ADGRL3: variants seen among roughly 807,000 people sequenced by gnomAD.
ADGRL3 encodes adhesion G protein-coupled receptor L3.
ADGRL3 carries 62 observed loss-of-function variants against 153.5 expected under a neutral mutation model. The ratio of observed to expected loss-of-function variants is 0.40; its 90% confidence interval spans 0.33 to 0.50. The LOEUF (loss-of-function observed/expected upper bound fraction) is 0.50. ADGRL3 is among the 20% of genes least tolerant of loss of function. The pLI, the probability that ADGRL3 is intolerant of heterozygous loss-of-function variation, is 0.47. For synonymous variants in ADGRL3, 710 were observed against 672.5 expected (o/e 1.06, Z -0.86); for missense variants, 1,641 against 1,859.4 (o/e 0.88, Z 2.16).
intron 2 of ADGRL3, among the ~76,000 whole-genome samples, chr4:61,414,177 C>A (rs1324302256): frequency 1.3e-5 from 2 of 152,150 alleles, no homozygotes; most frequent in African/African-American, 2.4e-5. Flanking sequence ...GGGCTGAAAG[C>A]ATTACATGCA....
chr4:61,455,962 C>A (rs1303930279), intron 2 of ADGRL3, among the ~76,000 whole-genome samples: 1 of 151,832 alleles, frequency 6.6e-6, no homozygotes, highest in Non-Finnish European at 1.5e-5. Flanking sequence ...ATTACAGGCA[C>A]CTGCCACTAT....
chr4:61,996,538 A>G (rs1581798488), intron 20 of ADGRL3, among the ~76,000 whole-genome samples, 181 bp downstream of exon 20: 3 of 152,214 alleles, frequency 2.0e-5, no homozygotes, highest in Admixed American at 2.0e-4. Flanking sequence ...AAAATGGTTA[A>G]TCAAAACAGG....
chr4:61,838,091 C>T (rs547523664), intron 9 of ADGRL3, among the ~76,000 whole-genome samples: 1 of 152,098 alleles, frequency 6.6e-6, no homozygotes, highest in Middle Eastern at 3.4e-3. Context: ...TCTCATGAAA[C>T]TCTCTTTACC....
intron 1 of ADGRL3, among the ~76,000 whole-genome samples, chr4:61,359,577 CCA>C (rs1449627887): frequency 1.3e-5 from 2 of 152,182 alleles, no homozygotes; most frequent in African/African-American, 4.8e-5. Flanking sequence ...TTGTCGTTTT[CCA>C]CATAGCTTCC....
chr4:61,300,278 C>G (rs1459349495), intron 1 of ADGRL3, among the ~76,000 whole-genome samples: 2 of 152,150 alleles, frequency 1.3e-5, no homozygotes, highest in African/African-American at 2.4e-5. Context: ...CCAGACAACT[C>G]TACATGATCT....
chr4:61,983,659 T>G lies in ADGRL3; in HGVS notation c.3236+56T>G, dbSNP rs1311267858. The G allele has an allele frequency of 7.3e-6, 11 of 1,514,940 alleles. No homozygotes were observed. In the East Asian group the frequency reaches 2.5e-4, roughly 34 times the overall value. 93.8% of individuals were successfully genotyped at this position (1,514,940 alleles called of 1,614,324 possible). ...CTAGGTGAAATAAAAGTGTTGGACT[T>G]TCTTGGAAGCAAAGGTCTTTATATT... On this transcript the variant is annotated intron_variant, in intron 19 of 26. Coordinates refer to ENST00000683033, the MANE Select transcript of ADGRL3 (RefSeq NM_001387552.1).
At chr4:61,856,950 CTCTTTCTT>C (rs55713412) in intron 9 of ADGRL3, among the ~76,000 whole-genome samples, 2,267 of 56,930 alleles carry the variant, frequency 0.04, 49 homozygotes, top group East Asian at 0.078. Flanking sequence ...CTTTCTTCTT[CTCTTTCTT>C]TCTTTCTTTC....
chr4:61,981,992 TC>T (rs1182855300), intron 18 of ADGRL3, among the ~76,000 whole-genome samples: 1 of 152,150 alleles, frequency 6.6e-6, no homozygotes, highest in Non-Finnish European at 1.5e-5. Context: ...CACATTTCTT[TC>T]CCCAAAAAAG....
At chr4:61,677,052 G>A in intron 6 of ADGRL3, 117 bp downstream of exon 6, 1 of 739,036 alleles carries the variant, frequency 1.4e-6, no homozygotes, top group Non-Finnish European at 2.3e-6. Flanking sequence ...GAAAAAATTG[G>A]CTAATATTAA....
chr4:61,458,928 C>T (rs1378115907), intron 2 of ADGRL3, among the ~76,000 whole-genome samples: 1 of 151,294 alleles, frequency 6.6e-6, no homozygotes, highest in Non-Finnish European at 1.5e-5. Flanking sequence ...AAGCATTTAA[C>T]ACATTTAAAA....
chr4:61,291,175 T>TACACACAC (rs68037459), intron 1 of ADGRL3, among the ~76,000 whole-genome samples: 9 of 135,396 alleles, frequency 6.6e-5, no homozygotes, highest in African/African-American at 2.0e-4. Context: ...CCTGGATCAA[T>TACACACAC]ACACACACAC....
intron 4 of ADGRL3, among the ~76,000 whole-genome samples, chr4:61,520,462 A>G (rs2098523213): frequency 6.6e-6 from 1 of 152,196 alleles, no homozygotes; most frequent in Non-Finnish European, 1.5e-5. Context: ...AACATCTGAA[A>G]AACTCTACTC....
chr4:61,843,795 T>C (rs145717135), intron 9 of ADGRL3, among the ~76,000 whole-genome samples: 15 of 152,246 alleles, frequency 9.9e-5, no homozygotes, highest in African/African-American at 3.4e-4. Flanking sequence ...GAGGATCACT[T>C]GAGCCCAGGA....
intron 25 of ADGRL3, among the ~76,000 whole-genome samples, chr4:62,055,681 A>G (rs1736627975): frequency 6.6e-6 from 1 of 151,742 alleles, no homozygotes; most frequent in Admixed American, 6.6e-5. Context: ...GTTTTTTTTA[A>G]TAAGTGACTT....
At chr4:62,020,825 G>A (rs1488125963) in intron 21 of ADGRL3, among the ~76,000 whole-genome samples, 4 of 151,898 alleles carry the variant, frequency 2.6e-5, no homozygotes. Context: ...TATAATATGA[G>A]TTAAACTTAG....
At chr4:61,835,058 A>C (rs1446015227) in intron 9 of ADGRL3, among the ~76,000 whole-genome samples, 4 of 152,202 alleles carry the variant, frequency 2.6e-5, no homozygotes, top group Admixed American at 2.6e-4. Context: ...TTACCTACTT[A>C]TTATACACCA....
intron 2 of ADGRL3, among the ~76,000 whole-genome samples, chr4:61,442,696 C>A (rs921750845): frequency 6.6e-6 from 1 of 152,012 alleles, no homozygotes; most frequent in Admixed American, 6.5e-5. Context: ...GAATAGAAAG[C>A]AGGAGGATTT....
At chr4:61,277,076 G>A (rs999247240) in intron 1 of ADGRL3, among the ~76,000 whole-genome samples, 3 of 151,918 alleles carry the variant, frequency 2.0e-5, no homozygotes, top group African/African-American at 7.3e-5. Flanking sequence ...TTTTTTTGAT[G>A]GTTTCTGACT....
At chr4:61,411,049 A>T (rs1242953441) in intron 2 of ADGRL3, among the ~76,000 whole-genome samples, 2 of 152,198 alleles carry the variant, frequency 1.3e-5, no homozygotes, top group Non-Finnish European at 2.9e-5. Flanking sequence ...GAGATTATTG[A>T]GGTATGAAAC....
Sources: gnomAD v4.1 joint callset for allele counts (sites outside exome capture counted in the v4.1 genomes callset) on GRCh38, gnomAD v4.1.1 for gene constraint, MANE v1.5 for transcripts, NCBI Gene and HGNC (gene_info 2026-07-23, HGNC 2026-07-21) for gene names.